Variants in SLIT2 observed in about 807,000 individuals in gnomAD.
SLIT2 encodes slit guidance ligand 2.
In SLIT2, 41 loss-of-function variants were observed where a neutral mutation model predicts 185.7. The ratio of observed to expected loss-of-function variants is 0.22; its 90% CI spans 0.17 to 0.29. The LOEUF (loss-of-function observed/expected upper bound fraction) is 0.29, where lower values mean the gene tolerates loss of function less well. SLIT2 is among the 10% of genes least tolerant of loss of function. The pLI, the probability that SLIT2 is intolerant of heterozygous loss-of-function variation, is 1.00. For missense variants in SLIT2, 1,571 were observed against 1,909.0 expected (o/e 0.82, Z 3.30); for synonymous variants, 693 against 680.2 (o/e 1.02, Z -0.29).
At chr4:20,533,331 G>A (rs532295772) in intron 17 of SLIT2, 1 of 435,144 alleles carries the variant, frequency 2.3e-6, no homozygotes, top group Admixed American at 4.1e-5. Context: ...TATACTCCTG[G>A]AGACCCTTGG....
chr4:20,435,408 A>C (rs1031949758), intron 4 of SLIT2, among the ~76,000 whole-genome samples: 13 of 152,212 alleles, frequency 8.5e-5, no homozygotes, highest in African/African-American at 2.7e-4. Context: ...AGTACAATTT[A>C]ATAATAAAAT....
intron 29 of SLIT2, among the ~76,000 whole-genome samples, chr4:20,572,609 A>G (rs1191477777): frequency 6.6e-6 from 1 of 152,144 alleles, no homozygotes; most frequent in Non-Finnish European, 1.5e-5. Flanking sequence ...TTTTTAAAAA[A>G]TGGACACTTT....
chr4:20,254,025 C>T lies in SLIT2; in HGVS notation c.179+31C>T, dbSNP rs753113740. On this transcript the variant is annotated intron_variant, in intron 1 of 36. Coordinates refer to ENST00000504154, the MANE Select transcript of SLIT2 (RefSeq NM_004787.4). This position sits in a 1 kb window ranked among gnomAD's most constrained non-coding sequence, Gnocchi z 5.1. The stretch of plus-strand genomic sequence containing the variant: ...TATGCGCTCTTCGTCTTCCCCTCTC[C>T]CCATCCGGGCCGCGCACCCCTGCCT... 1.3e-6 allele frequency: 2 copies of T among 1,583,940 alleles called. No individual in the cohort carries two copies. The highest frequency in any genetic ancestry group is 2.2e-5 in the East Asian group (1 of 44,520).
At chr4:20,257,791 G>A in intron 2 of SLIT2, 77 bp from the exon 3 acceptor site, 1 of 773,366 alleles carries the variant, frequency 1.3e-6, no homozygotes. Context: ...GAGTTTACAA[G>A]TTTTCAGTTG....
intron 4 of SLIT2, among the ~76,000 whole-genome samples, chr4:20,289,439 G>T (rs2109075611): frequency 6.6e-6 from 1 of 152,058 alleles, no homozygotes; most frequent in East Asian, 1.9e-4. Flanking sequence ...ATTTTATTTT[G>T]TCTCATCTAG....
chr4:20,255,666 T>C (rs1211978940), intron 1 of SLIT2, among the ~76,000 whole-genome samples: 2 of 152,080 alleles, frequency 1.3e-5, no homozygotes, highest in East Asian at 1.9e-4. Context: ...GGGAATGCAC[T>C]TGGGTGGGTG....
At chr4:20,511,024 G>T in intron 10 of SLIT2, 42 bp from the exon 11 acceptor site, 1 of 1,252,558 alleles carries the variant, frequency 8.0e-7, no homozygotes, top group South Asian at 1.2e-5. Context: ...AAATCTCACT[G>T]ACATTTGATT....
chr4:20,333,496 A>G (rs1034442488), intron 4 of SLIT2, among the ~76,000 whole-genome samples: 11 of 152,116 alleles, frequency 7.2e-5, no homozygotes, highest in African/African-American at 2.7e-4. Flanking sequence ...TTGACTTTGT[A>G]GTACTCTGCA....
At chr4:20,526,268 G>C (rs1011097872) in intron 15 of SLIT2, among the ~76,000 whole-genome samples, 1 of 152,046 alleles carries the variant, frequency 6.6e-6, no homozygotes, top group South Asian at 2.1e-4. Context: ...AGTAGATTTG[G>C]TGATATGACT....
intron 4 of SLIT2, among the ~76,000 whole-genome samples, chr4:20,424,575 A>G (rs998850876): frequency 4.6e-5 from 7 of 152,128 alleles, no homozygotes; most frequent in African/African-American, 1.7e-4. Flanking sequence ...AAATGCTTAG[A>G]TTTGACAATC....
intron 4 of SLIT2, among the ~76,000 whole-genome samples, chr4:20,465,791 A>T (rs571739385): frequency 6.6e-6 from 1 of 152,180 alleles, no homozygotes; most frequent in Admixed American, 6.5e-5. Flanking sequence ...AGCCCACTCT[A>T]CTTCCATGAC....
intron 29 of SLIT2, among the ~76,000 whole-genome samples, chr4:20,571,771 T>A (rs1725628101): frequency 6.6e-6 from 1 of 152,194 alleles, no homozygotes; most frequent in African/African-American, 2.4e-5. Flanking sequence ...CCTTTGAAAA[T>A]TTTTTATTCT....
At chr4:20,450,309 G>C (rs1712328420) in intron 4 of SLIT2, among the ~76,000 whole-genome samples, 1 of 152,180 alleles carries the variant, frequency 6.6e-6, no homozygotes, top group African/African-American at 2.4e-5. Flanking sequence ...CCATGTGGAT[G>C]CCCTATGGTT....
chr4:20,389,595 T>C (rs1299022782), intron 4 of SLIT2, among the ~76,000 whole-genome samples: 1 of 152,040 alleles, frequency 6.6e-6, no homozygotes, highest in African/African-American at 2.4e-5. Flanking sequence ...ATCTAGTTTT[T>C]CCTTTTATAG....
chr4:20,472,286 A>C (rs370928675), intron 5 of SLIT2, among the ~76,000 whole-genome samples: 632 of 14,614 alleles, frequency 0.043, 68 homozygotes, highest in Non-Finnish European at 0.052. Flanking sequence ...CTATATATAT[A>C]GATATATAGA....
chr4:20,377,027 A>C (rs528235073), intron 4 of SLIT2, among the ~76,000 whole-genome samples: 69 of 152,274 alleles, frequency 4.5e-4, no homozygotes, highest in African/African-American at 1.7e-3. Flanking sequence ...ATAATTTAAA[A>C]AAAGTAAAAA....
At chr4:20,403,107 G>A (rs1726486831) in intron 4 of SLIT2, among the ~76,000 whole-genome samples, 1 of 151,740 alleles carries the variant, frequency 6.6e-6, no homozygotes. Flanking sequence ...AATCTTTTGG[G>A]ATCCAGATGC....
At chr4:20,589,415 C>T (rs1727324807) in intron 29 of SLIT2, among the ~76,000 whole-genome samples, 1 of 152,202 alleles carries the variant, frequency 6.6e-6, no homozygotes, top group African/African-American at 2.4e-5. Flanking sequence ...AGTCACAGAT[C>T]ACAATAGTCC....
At position 20,472,246 on chromosome 4, in the gene SLIT2, C is replaced by A. The variant is rs1397674336; in HGVS notation, c.467+4423C>A. On this transcript the variant is annotated intron_variant, in intron 5 of 36. Coordinates refer to ENST00000504154, the MANE Select transcript of SLIT2 (RefSeq NM_004787.4). ...TGTATATATATATAGATCTATATAT[C>A]TATATATAGATCTATATATAGATAT... Among the ~76,000 whole-genome samples the A allele has an allele frequency of 3.3e-4, 13 of 39,688 alleles. 1 individual carries two copies. The East Asian group carries it at 4.2e-3, about 13-fold the overall frequency. 26.0% of individuals were successfully genotyped at this position (39,688 alleles called of 152,430 possible).
Sources: gnomAD v4.1 joint callset for allele counts (sites outside exome capture counted in the v4.1 genomes callset) on GRCh38, gnomAD v4.1.1 for gene constraint, Gnocchi (gnomAD v3.1) non-coding constraint, MANE v1.5 for transcripts, NCBI Gene and HGNC (gene_info 2026-07-23, HGNC 2026-07-21) for gene names.